Variants in RPTOR observed in about 807,000 individuals in gnomAD.
The protein encoded by RPTOR is regulatory-associated protein of mTOR.
A neutral mutation model predicts 169.9 loss-of-function variants in RPTOR; 21 were observed. That is an observed-to-expected ratio of 0.12 (90% CI 0.09 to 0.18). The LOEUF (loss-of-function observed/expected upper bound fraction) is 0.18, where lower values mean the gene tolerates loss of function less well. RPTOR is among the 10% of genes least tolerant of loss of function. RPTOR has a pLI of 1.00. For missense variants in RPTOR, 1,133 were observed against 1,855.9 expected (o/e 0.61, Z 7.16); for synonymous variants, 732 against 753.2 (o/e 0.97, Z 0.46).
At chr17:80,545,851 C>G in intron 1 of RPTOR, 60 bp downstream of exon 1, 11 of 1,433,530 alleles carry the variant, frequency 7.7e-6, no homozygotes, top group Non-Finnish European at 1.0e-5. Context: ...AGAAAGTTTA[C>G]AGCCCGAAAA....
chr17:80,760,987 T>C (rs2066731537), intron 6 of RPTOR, among the ~76,000 whole-genome samples: 1 of 152,256 alleles, frequency 6.6e-6, no homozygotes, highest in African/African-American at 2.4e-5. Flanking sequence ...CATTGTTCTC[T>C]AATTTTTTTT....
chr17:80,551,060 TG>T (rs1200957478), intron 1 of RPTOR, among the ~76,000 whole-genome samples: 10 of 152,138 alleles, frequency 6.6e-5, no homozygotes, highest in Non-Finnish European at 1.2e-4. Flanking sequence ...GCTGATTTTT[TG>T]TATTTTTAGT....
intron 6 of RPTOR, among the ~76,000 whole-genome samples, chr17:80,774,500 T>C (rs2066874482): frequency 6.6e-6 from 1 of 152,178 alleles, no homozygotes; most frequent in South Asian, 2.1e-4. Context: ...CCGTCTGGGG[T>C]GGACAGCTTC....
chr17:80,569,752 C>T (rs1050571665), intron 1 of RPTOR, among the ~76,000 whole-genome samples: 1 of 152,164 alleles, frequency 6.6e-6, no homozygotes, highest in Non-Finnish European at 1.5e-5. Flanking sequence ...TGCCCCTTTA[C>T]AGCAGGAAAT....
chr17:80,613,837 C>A (rs113742619), intron 1 of RPTOR, among the ~76,000 whole-genome samples: 40 of 147,032 alleles, frequency 2.7e-4, no homozygotes, highest in Non-Finnish European at 3.0e-4. Flanking sequence ...TTGAATGAAG[C>A]GGTGTTGAGA....
At chr17:80,918,469 C>CATAGCCACGAGCACCCTCGCG (rs1567986109) in intron 21 of RPTOR, among the ~76,000 whole-genome samples, 28 of 18,284 alleles carry the variant, frequency 1.5e-3, no homozygotes, top group Non-Finnish European at 3.0e-3. Flanking sequence ...GCACCCTCGC[C>CATAGCCACGAGCACCCTCGCG]GGAGTCATAG....
chr17:80,573,358 G>C (rs2064927918), intron 1 of RPTOR, among the ~76,000 whole-genome samples: 1 of 152,162 alleles, frequency 6.6e-6, no homozygotes, highest in Admixed American at 6.6e-5. Flanking sequence ...GGACAGATTT[G>C]ATATCTTTTC....
chr17:80,755,624 A>G lies in RPTOR; in HGVS notation c.830+1439A>G, dbSNP rs558885364. On this transcript the variant is annotated intron_variant, in intron 6 of 33. Coordinates refer to ENST00000306801, the MANE Select transcript of RPTOR (RefSeq NM_020761.3). ...TGTGGTAGCACATGCCTATATTCCC[A>G]GCCACTTAGGAGGCTGAGGTACTAG... Among the ~76,000 whole-genome samples the G allele has an allele frequency of 1.4e-4, 21 of 151,924 alleles. No homozygotes were observed. In the East Asian group the frequency reaches 3.9e-3, roughly 28 times the overall value.
At chr17:80,919,472 A>G (rs1284361647) in intron 21 of RPTOR, among the ~76,000 whole-genome samples, 1 of 152,248 alleles carries the variant, frequency 6.6e-6, no homozygotes, top group Admixed American at 6.5e-5. Flanking sequence ...TGACGCTGGC[A>G]TCCGCAGCCC....
In RPTOR at chr17:80,848,265, G is replaced by A. The variant is rs1182691739; in HGVS notation, c.1314+1691G>A. ...GTTCAAGGCCAGCCTGAGCCACATA[G>A]GGAGACTCCATCTCTACAAAATAAA... On this transcript the variant is annotated intron_variant, in intron 11 of 33. Transcript: ENST00000306801. Among the ~76,000 whole-genome samples the A allele has an allele frequency of 2.0e-5, 3 of 152,326 alleles. No individual in the cohort carries two copies. The East Asian group carries it at 5.8e-4, about 29-fold the overall frequency.
intron 3 of RPTOR, among the ~76,000 whole-genome samples, chr17:80,690,617 C>T (rs987934137): frequency 4.6e-5 from 7 of 152,030 alleles, no homozygotes; most frequent in African/African-American, 1.7e-4. Flanking sequence ...CCTTGGATTT[C>T]CTCTCGGTGG....
intron 28 of RPTOR, among the ~76,000 whole-genome samples, chr17:80,952,062 C>T (rs1347971605): frequency 6.6e-6 from 1 of 152,198 alleles, no homozygotes; most frequent in Non-Finnish European, 1.5e-5. Flanking sequence ...GCCCGAGTTC[C>T]AGCAGGTTGC....
chr17:80,885,606 T>C (rs1810287), intron 17 of RPTOR, among the ~76,000 whole-genome samples: 15,175 of 152,100 alleles, frequency 0.1, 1,712 homozygotes, highest in African/African-American at 0.28. Context: ...TGCAGTGGCG[T>C]GATCTTGGCT....
chr17:80,743,561 C>T (rs1028624823), intron 5 of RPTOR: 6 of 520,470 alleles, frequency 1.2e-5, no homozygotes, highest in Middle Eastern at 2.0e-3. Context: ...AAGGTGCCTG[C>T]GTGGGCTAGA....
At chr17:80,865,712 G>T (rs2067981783) in intron 13 of RPTOR, among the ~76,000 whole-genome samples, 1 of 152,014 alleles carries the variant, frequency 6.6e-6, no homozygotes, top group Admixed American at 6.6e-5. Context: ...TACATTTGGA[G>T]GTTTCAGTGC....
intron 1 of RPTOR, among the ~76,000 whole-genome samples, chr17:80,556,660 T>A (rs937091980): frequency 5.3e-5 from 8 of 151,828 alleles, no homozygotes; most frequent in Non-Finnish European, 1.0e-4. Context: ...AGTTTGTGGG[T>A]GTAGTGTGGA....
intron 20 of RPTOR, among the ~76,000 whole-genome samples, chr17:80,907,827 TCCTTC>T (rs2068562918): frequency 6.6e-6 from 1 of 152,222 alleles, no homozygotes; most frequent in Admixed American, 6.5e-5. Context: ...AGAATGATCC[TCCTTC>T]CCTTCAAAGC....
chr17:80,658,505 C>T (rs2065696970), intron 3 of RPTOR, among the ~76,000 whole-genome samples: 1 of 152,158 alleles, frequency 6.6e-6, no homozygotes, highest in African/African-American at 2.4e-5. Flanking sequence ...ACCCCCCTGT[C>T]CAGCTGATTT....
At chr17:80,749,877 T>A (rs1393368974) in intron 5 of RPTOR, among the ~76,000 whole-genome samples, 1 of 152,070 alleles carries the variant, frequency 6.6e-6, no homozygotes, top group East Asian at 1.9e-4. Flanking sequence ...TACACCAGGC[T>A]GATTTTAAAC....
Sources: allele counts gnomAD v4.1 joint callset (sites outside exome capture counted in the v4.1 genomes callset), GRCh38; gene constraint gnomAD v4.1.1; transcripts MANE v1.5; gene names NCBI Gene and HGNC (gene_info 2026-07-23, HGNC 2026-07-21).